Variants in IL1RAPL2 observed in about 807,000 individuals in gnomAD.
The protein encoded by IL1RAPL2 is interleukin 1 receptor accessory protein like 2.
Under a neutral mutation model 44.1 loss-of-function variants are expected in IL1RAPL2, and 3 were observed. The observed-to-expected ratio is 0.07, with a 90% CI of 0.03 to 0.18. The LOEUF is 0.18. IL1RAPL2 is among the 10% of genes least tolerant of loss of function. The probability of loss-of-function intolerance (pLI) is 1.00; values close to 1 mark genes in which losing one functional copy is unlikely to be tolerated. For missense variants in IL1RAPL2, 391 were observed against 496.4 expected (o/e 0.79, Z 2.02); for synonymous variants, 181 against 178.8 (o/e 1.01, Z -0.10).
rs185718338 is a variant in IL1RAPL2 at position 104,797,328 on chromosome X, T to C, written c.82+138333T>C. ...ATATCTGATTTGTGGGAGCGCTGCC[T>C]CTTTTGATTTCCCTCTGTGCTACTG... On this transcript the variant is annotated intron_variant, in intron 2 of 10. Transcript: ENST00000372582. Among the ~76,000 whole-genome samples, 803 of 109,747 alleles carry C rather than the reference T, an allele frequency of 7.3e-3. 9 individuals are homozygous for C. Among genetic ancestry groups the C allele is most frequent in the African/African-American group, 0.025 (740 of 30,167 alleles).
chrX:104,769,311 T>C (rs746654844), intron 2 of IL1RAPL2, among the ~76,000 whole-genome samples: 54 of 111,676 alleles, frequency 4.8e-4, no homozygotes, highest in African/African-American at 1.7e-3. Flanking sequence ...TGGCCATTGA[T>C]GTTGTAACAT....
chrX:105,612,549 T>C (rs989529203), intron 6 of IL1RAPL2, among the ~76,000 whole-genome samples: 1 of 112,250 alleles, frequency 8.9e-6, no homozygotes, highest in African/African-American at 3.2e-5. Context: ...AAAACAAAAA[T>C]CAAGTGAGTA....
chrX:104,929,198 T>A (rs1476677471), intron 2 of IL1RAPL2, among the ~76,000 whole-genome samples: 4 of 111,723 alleles, frequency 3.6e-5, no homozygotes, highest in Non-Finnish European at 7.5e-5. Context: ...GACATAATCA[T>A]GGAATTCATG....
At chrX:105,098,193 A>G (rs757830283) in intron 2 of IL1RAPL2, among the ~76,000 whole-genome samples, 2 of 112,109 alleles carry the variant, frequency 1.8e-5, no homozygotes, top group African/African-American at 3.2e-5. Flanking sequence ...TTTTAATATT[A>G]TCTCCTTCAA....
At chrX:105,693,545 G>A (rs1174510837) in intron 6 of IL1RAPL2, among the ~76,000 whole-genome samples, 1 of 111,890 alleles carries the variant, frequency 8.9e-6, no homozygotes, top group Non-Finnish European at 1.9e-5. Context: ...AGCAGATGCT[G>A]GTCCATGCTT....
At chrX:105,761,659 T>C (rs372943020) in intron 10 of IL1RAPL2, among the ~76,000 whole-genome samples, 1 of 112,073 alleles carries the variant, frequency 8.9e-6, no homozygotes, top group East Asian at 2.8e-4. Context: ...AATGGAGTAT[T>C]ATCTGTTTTG....
At chrX:105,215,543 T>C (rs1425731993) in intron 3 of IL1RAPL2, among the ~76,000 whole-genome samples, 1 of 111,901 alleles carries the variant, frequency 8.9e-6, no homozygotes, top group African/African-American at 3.3e-5. Context: ...AAAGAGGAGC[T>C]GGTACCATTT....
chrX:104,845,916 T>C (rs1922037829), intron 2 of IL1RAPL2, among the ~76,000 whole-genome samples: 1 of 111,782 alleles, frequency 8.9e-6, no homozygotes, highest in Non-Finnish European at 1.9e-5. Flanking sequence ...AAGGAAGTGA[T>C]TGATGACTAA....
intron 6 of IL1RAPL2, among the ~76,000 whole-genome samples, chrX:105,562,285 TAATATAATACATTAC>T (rs2036943907): frequency 9.0e-6 from 1 of 111,712 alleles, no homozygotes; most frequent in Non-Finnish European, 1.9e-5. Flanking sequence ...TGACTTTAGT[TAATATAATACATTAC>T]AATATAATAC....
chrX:105,065,027 A>C (rs1448845256), intron 2 of IL1RAPL2, among the ~76,000 whole-genome samples: 1 of 112,643 alleles, frequency 8.9e-6, no homozygotes, highest in Non-Finnish European at 1.9e-5. Flanking sequence ...AATAATTTTA[A>C]ACTGATTTAG....
intron 2 of IL1RAPL2, among the ~76,000 whole-genome samples, chrX:104,677,197 C>T (rs749000870): frequency 8.4e-4 from 94 of 111,731 alleles, no homozygotes; most frequent in Middle Eastern, 4.7e-3. Context: ...TCCCAGTTTT[C>T]CTGTTCTGTT....
intron 2 of IL1RAPL2, among the ~76,000 whole-genome samples, chrX:104,720,255 T>C (rs1431349667): frequency 9.0e-6 from 1 of 111,611 alleles, no homozygotes; most frequent in Non-Finnish European, 1.9e-5. Context: ...TTGGGTTTTA[T>C]TAGTGTCAGT....
chrX:105,617,856 G>A (rs1208518102), intron 6 of IL1RAPL2, among the ~76,000 whole-genome samples: 1 of 111,467 alleles, frequency 9.0e-6, no homozygotes, highest in Non-Finnish European at 1.9e-5. Flanking sequence ...CTCTCTTTAA[G>A]GGATTATCTG....
chrX:105,725,146 A>T (rs2038340122), intron 7 of IL1RAPL2, among the ~76,000 whole-genome samples: 1 of 111,665 alleles, frequency 9.0e-6, no homozygotes, highest in Admixed American at 9.5e-5. Flanking sequence ...GACTCCACGA[A>T]TTTCAAGACA....
chrX:105,220,531 A>G, intron 3 of IL1RAPL2: 1 of 604,774 alleles, frequency 1.7e-6, no homozygotes, highest in Non-Finnish European at 2.4e-6. Context: ...CGCTCTGACA[A>G]GACCGTCCTA....
intron 5 of IL1RAPL2, among the ~76,000 whole-genome samples, chrX:105,433,943 G>A (rs1475926215): frequency 9.0e-6 from 1 of 111,365 alleles, no homozygotes; most frequent in Non-Finnish European, 1.9e-5. Context: ...ATGAAATAAA[G>A]AAAGACAAGT....
At position 105,251,210 on chromosome X, in the gene IL1RAPL2, A is replaced by G. The variant is rs1043510469; in HGVS notation, c.544-16178A>G. 6.3e-5 allele frequency among the ~76,000 whole-genome samples: 7 copies of G among 110,437 alleles called. No homozygotes were observed. In the East Asian group the frequency reaches 2.0e-3, roughly 31 times the overall value. On this transcript the variant is annotated intron_variant, in intron 4 of 10. Transcript: ENST00000372582. ...TTTACATTGATTTATCTTGTTATAC[A>G]TTCTGACTGTTTTTCTAAAGGTGGA...
chrX:105,059,917 G>A (rs1478070395), intron 2 of IL1RAPL2, among the ~76,000 whole-genome samples: 1 of 112,182 alleles, frequency 8.9e-6, no homozygotes, highest in African/African-American at 3.2e-5. Flanking sequence ...ATAAACGTGG[G>A]AATGCAGATA....
rs758865861 is a variant in IL1RAPL2 at position 104,880,050 on chromosome X, C to T, written c.82+221055C>T. ...TGATAGTACTTCTCATTTTCTCCTG[C>T]TGAGTACGCTAAATCTGTTTTGCAA... is the stretch of plus-strand genomic sequence containing the variant. On this transcript the variant is annotated intron_variant, in intron 2 of 10. Coordinates refer to ENST00000372582, the MANE Select transcript of IL1RAPL2 (RefSeq NM_017416.2). Among the ~76,000 whole-genome samples the T allele has an allele frequency of 1.9e-4, 19 of 102,667 alleles. No individual in the cohort carries two copies. In the East Asian group the frequency reaches 6.1e-3, roughly 33 times the overall value. 89.2% of individuals were successfully genotyped at this position (102,667 alleles called of 115,157 possible).
Sources: gnomAD v4.1 joint callset for allele counts (sites outside exome capture counted in the v4.1 genomes callset) on GRCh38, gnomAD v4.1.1 for gene constraint, MANE v1.5 for transcripts, NCBI Gene and HGNC (gene_info 2026-07-23, HGNC 2026-07-21) for gene names.